The following RASL10B variants were observed in gnomAD, a reference collection of about 807,000 sequenced individuals.
The protein encoded by RASL10B is ras-like protein family member 10B.
A neutral mutation model predicts 20.7 loss-of-function variants in RASL10B; 10 were observed. The ratio of observed to expected loss-of-function variants is 0.48; its 90% CI spans 0.30 to 0.82. The LOEUF is 0.82. Among genes scored for constraint, RASL10B ranks in the 40% least tolerant of loss-of-function variants. The pLI, the probability that RASL10B is intolerant of heterozygous loss-of-function variation, is 0.07. For synonymous variants in RASL10B, 110 were observed against 123.3 expected (o/e 0.89, Z 0.72); for missense variants, 231 against 295.4 (o/e 0.78, Z 1.60).
chr17:35,732,743 A>T lies in RASL10B; in HGVS notation c.-148+865A>T, dbSNP rs139446014. On this transcript the variant is annotated intron_variant, in intron 1 of 3. Coordinates refer to ENST00000603017, the MANE Select transcript of RASL10B (RefSeq NM_033315.4). ...TCTGCAGGTAGGGTGCATCCTAGAA[A>T]TCTCTGAGCTGCCACACCCAGAGAG... Among the ~76,000 whole-genome samples the T allele has an allele frequency of 5.3e-3, 800 of 152,058 alleles. 22 individuals are homozygous for T. The East Asian group carries it at 0.06, about 11-fold the overall frequency.
chr17:35,738,327 T>C (rs1737343580), intron 2 of RASL10B, among the ~76,000 whole-genome samples: 1 of 152,122 alleles, frequency 6.6e-6, no homozygotes, highest in South Asian at 2.1e-4. Context: ...AGAGAAATAC[T>C]GTGAAAAAGG....
intron 1 of RASL10B, among the ~76,000 whole-genome samples, chr17:35,734,102 A>G (rs587653151): frequency 6.6e-6 from 1 of 152,324 alleles, no homozygotes; most frequent in South Asian, 2.1e-4. Context: ...CCAGGCCAAC[A>G]TGGCGAAACC....
intron 1 of RASL10B, among the ~76,000 whole-genome samples, chr17:35,732,413 G>A (rs587663642): frequency 6.6e-6 from 1 of 152,354 alleles, no homozygotes; most frequent in Admixed American, 6.5e-5. Context: ...GCCTTGGGGA[G>A]AAAGCGCTCA....
At position 35,735,474 on chromosome 17, in the gene RASL10B, G is replaced by A; in HGVS notation, c.216+74G>A. The A allele has an allele frequency of 2.0e-6, 3 of 1,483,348 alleles. No homozygotes were observed. The highest frequency in any genetic ancestry group is 2.8e-6 in the Non-Finnish European group (3 of 1,077,300). The allele number at this position is 1,483,348 out of a possible 1,614,324, so 91.9% of individuals were successfully genotyped here. A position where few individuals can be genotyped will look rare whatever the true frequency, so the allele number is the denominator to read the frequency against. On this transcript the variant is annotated intron_variant, in intron 2 of 3. Transcript: ENST00000603017. This position sits in a 1 kb window ranked among gnomAD's most constrained non-coding sequence, Gnocchi z 6.7. ...GGGAGAGGCTGGATTCCAAACTGCT[G>A]TAGCTTGGGCCCTATTGCCAGGGCC...
Position 35,735,299 on chromosome 17 carries a change from C to G in RASL10B, c.115C>G (p.Arg39Gly), listed in dbSNP as rs142305375. ...FSEVCVPTTA[R>G]RLYLPAVVMN... ...CGAGGTCTGCGTCCCCACCACCGCC[C>G]GCCGCCTTTACCTGCCTGCTGTCGT... Residue 39 changes from arginine (R) to glycine (G), a missense_variant, in exon 2 of 4, where the codon CGC becomes GGC. Arg to Gly is a moderately radical substitution (Grantham distance 125). Coordinates refer to ENST00000603017, the MANE Select transcript of RASL10B (RefSeq NM_033315.4). The surrounding 1 kb of genome is among the most constrained non-coding windows in gnomAD (Gnocchi z 6.7). 1.9e-6 allele frequency: 3 copies of G among 1,614,070 alleles called. No homozygotes were observed. The highest frequency in any genetic ancestry group is 1.7e-6 in the Non-Finnish European group (2 of 1,180,048).
intron 2 of RASL10B, among the ~76,000 whole-genome samples, chr17:35,740,172 C>G (rs1436529402): frequency 1.3e-5 from 2 of 152,172 alleles, no homozygotes; most frequent in Non-Finnish European, 2.9e-5. Context: ...CAGATGTGCA[C>G]AAGACAGTGC....
chr17:35,741,095 C>G lies in RASL10B; in HGVS notation c.402C>G (p.Arg134=). The change falls in exon 4 of 4, where the codon CGC becomes CGG. Residue 134 remains arginine, a synonymous_variant. Transcript: ENST00000603017. ...TGGGCAACAAGCGGGACCTGCAGCGCGGACGCGTGATCCCGCGCTGGAACG... is the reference window on the plus strand; with the variant it reads ...TGGGCAACAAGCGGGACCTGCAGCGGGGACGCGTGATCCCGCGCTGGAACG... ...IIVGNKRDLQ[R]GRVIPRWNVS... 1 of 1,613,080 alleles carries G rather than the reference C, an allele frequency of 6.2e-7. No homozygotes were observed. The highest frequency in any genetic ancestry group is 8.5e-7 in the Non-Finnish European group (1 of 1,179,660).
intron 2 of RASL10B, among the ~76,000 whole-genome samples, chr17:35,739,179 C>T (rs79686822): frequency 0.026 from 4,003 of 152,336 alleles, 159 homozygotes; most frequent in East Asian, 0.22. Flanking sequence ...GGACTTAACT[C>T]TGCACTACTG....
chr17:35,733,635 TG>T (rs1441204668), intron 1 of RASL10B, among the ~76,000 whole-genome samples: 1 of 152,206 alleles, frequency 6.6e-6, no homozygotes, highest in Non-Finnish European at 1.5e-5. Flanking sequence ...AGTTAGCAAG[TG>T]CTGATGTCAC....
Position 35,735,494 on chromosome 17 carries a change from A to G in RASL10B, c.216+94A>G. On this transcript the variant is annotated intron_variant, in intron 2 of 3. Transcript: ENST00000603017. The surrounding 1 kb of genome is among the most constrained non-coding windows in gnomAD (Gnocchi z 6.7). ...CTGCTGTAGCTTGGGCCCTATTGCC[A>G]GGGCCCCATCACTGAGTTTGGGAGC... is the stretch of plus-strand genomic sequence containing the variant. 2.4e-6 allele frequency: 3 copies of G among 1,267,320 alleles called. No individual in the cohort carries two copies. Among genetic ancestry groups the G allele is most frequent in the East Asian group, 2.5e-5 (1 of 40,282 alleles). 78.5% of individuals were successfully genotyped at this position (1,267,320 alleles called of 1,614,324 possible). A position where few individuals can be genotyped will look rare whatever the true frequency, so the allele number is the denominator to read the frequency against.
chr17:35,742,969 T>TG lies in RASL10B; in HGVS notation c.*1670dup, dbSNP rs1294666034. The TG allele has an allele frequency of 6.6e-6, 1 of 152,514 alleles. No individual in the cohort carries two copies. The highest frequency in any genetic ancestry group is 2.4e-5 in the African/African-American group (1 of 41,434). The allele number at this position is 152,514 out of a possible 1,614,324, so 9.4% of individuals were successfully genotyped here. On this transcript the variant is annotated 3_prime_UTR_variant, in exon 4 of 4. Coordinates refer to ENST00000603017, the MANE Select transcript of RASL10B (RefSeq NM_033315.4). Reference sequence around the variant, plus strand: ...GCGGATTCCCACTCTGTCCACCAAGTGGGGGGTAGCACAGCCTCACAGCAA... The same window carrying TG: ...GCGGATTCCCACTCTGTCCACCAAGTGGGGGGGTAGCACAGCCTCACAGCAA...
At chr17:35,741,005 G>A in intron 3 of RASL10B, 30 bp from the exon 4 acceptor site, 1 of 1,551,882 alleles carries the variant, frequency 6.4e-7, no homozygotes, top group Non-Finnish European at 8.8e-7. Flanking sequence ...GGGGCTGACA[G>A]AGTTCTGAGC....
chr17:35,740,394 C>A lies in RASL10B; in HGVS notation c.217-15C>A. 6.2e-7 allele frequency: 1 copy of A among 1,611,960 alleles called. No homozygotes were observed. Among genetic ancestry groups the A allele is most frequent in the Admixed American group, 1.7e-5 (1 of 59,982 alleles). On this transcript the variant is annotated splice_polypyrimidine_tract_variant and intron_variant, in intron 2 of 3. Transcript: ENST00000603017. ...ATGGCTGCTCTGACCCTGGTACTGG[C>A]TGGGGATATTGCAGGAGTGGGCAGA...
In RASL10B at chr17:35,731,851, G is replaced by C. The variant is rs2085559661; in HGVS notation, c.-175G>C. On this transcript the variant is annotated 5_prime_UTR_variant, in exon 1 of 4. Transcript: ENST00000603017. ...CTCAGCCCCGCCGACCGGCCGGCCA[G>C]GGCAGGGGGCAGCTAGGACGGCCCC... 6.6e-6 allele frequency: 1 copy of C among 151,980 alleles called. No homozygotes were observed. Among genetic ancestry groups the C allele is most frequent in the South Asian group, 2.1e-4 (1 of 4,832 alleles). The allele number at this position is 151,980 out of a possible 1,614,324, so 9.4% of individuals were successfully genotyped here.
Position 35,741,212 on chromosome 17 carries a change from G to T in RASL10B, c.519G>T (p.Leu173=), listed in dbSNP as rs782590311. The change falls in exon 4 of 4, where the codon CTG becomes CTT. Residue 173 remains leucine (L), a synonymous_variant. Coordinates refer to ENST00000603017, the MANE Select transcript of RASL10B (RefSeq NM_033315.4). ...NWHILLLFSE[L]LKSVGCARCK... ...ACATCCTGCTGCTCTTCAGCGAGCT[G>T]CTCAAGAGCGTCGGCTGCGCCCGTT... 14 of 1,611,994 alleles carry T rather than the reference G, an allele frequency of 8.7e-6. No homozygotes were observed. Among genetic ancestry groups the T allele is most frequent in the Non-Finnish European group, 1.1e-5 (13 of 1,179,314 alleles).
Position 35,735,394 on chromosome 17 carries a change from G to C in RASL10B, c.210G>C (p.Thr70=), listed in dbSNP as rs587735030. Reference sequence around the variant, plus strand: ...CCATCAGCGCCTTCCCTGTCAATACGCTCCAGGTAGGAGGACCCTGGGGGG... The same window carrying C: ...CCATCAGCGCCTTCCCTGTCAATACCCTCCAGGTAGGAGGACCCTGGGGGG... ...FPPISAFPVN[T]LQEWADTCCR... is the part of the protein sequence containing the mutation. Residue 70 remains threonine, a synonymous_variant, in exon 2 of 4, where the codon ACG becomes ACC. Coordinates refer to ENST00000603017, the MANE Select transcript of RASL10B (RefSeq NM_033315.4). This position sits in a 1 kb window ranked among gnomAD's most constrained non-coding sequence, Gnocchi z 6.7. The C allele has an allele frequency of 6.2e-7, 1 of 1,613,984 alleles. No homozygotes were observed. The highest frequency in any genetic ancestry group is 8.5e-7 in the Non-Finnish European group (1 of 1,179,928).
At chr17:35,732,795 T>A (rs1555596541) in intron 1 of RASL10B, among the ~76,000 whole-genome samples, 1 of 152,130 alleles carries the variant, frequency 6.6e-6, no homozygotes, top group African/African-American at 2.4e-5. Context: ...TGGCGTTCCT[T>A]GCCCTCTCTT....
Position 35,741,100 on chromosome 17 carries a change from G to A in RASL10B, c.407G>A (p.Arg136His). ...VGNKRDLQRG[R>H]VIPRWNVSHL... ...AACAAGCGGGACCTGCAGCGCGGAC[G>A]CGTGATCCCGCGCTGGAACGTGTCG... Residue 136 changes from arginine (R) to histidine (H), a missense_variant, in exon 4 of 4, where the codon CGC becomes CAC. By Grantham distance (29) the Arg-to-His change is conservative (BLOSUM62 0). Transcript: ENST00000603017. 1 of 1,613,282 alleles carries A rather than the reference G, an allele frequency of 6.2e-7. No individual in the cohort carries two copies. The highest frequency in any genetic ancestry group is 8.5e-7 in the Non-Finnish European group (1 of 1,179,824).
chr17:35,737,553 C>T (rs973597107), intron 2 of RASL10B, among the ~76,000 whole-genome samples: 2 of 151,960 alleles, frequency 1.3e-5, no homozygotes, highest in East Asian at 1.9e-4. Flanking sequence ...GATCAATTAC[C>T]GGAAAGGGCA....
Sources: gnomAD v4.1 joint callset for allele counts (sites outside exome capture counted in the v4.1 genomes callset) on GRCh38, gnomAD v4.1.1 for gene constraint, Gnocchi (gnomAD v3.1) non-coding constraint, MANE v1.5 for transcripts, NCBI Gene and HGNC (gene_info 2026-07-23, HGNC 2026-07-21) for gene names.